The following CAST variants were observed in gnomAD, a reference collection of about 807,000 sequenced individuals.
CAST encodes MIR583 host.
CAST carries 76 observed loss-of-function variants against 119.6 expected under a neutral mutation model. That is an observed-to-expected ratio of 0.64 (90% CI 0.53 to 0.77). The LOEUF is 0.77. Ranked by LOEUF, CAST falls within the 30% of genes least tolerant of loss-of-function variation. The pLI, the probability that CAST is intolerant of heterozygous loss-of-function variation, is 0.00. For missense variants in CAST, 953 were observed against 946.5 expected (o/e 1.01, Z -0.09); for synonymous variants, 319 against 331.6 (o/e 0.96, Z 0.41).
At chr5:96,326,049 C>A in the CAST span, among the ~76,000 whole-genome samples, 1 of 152,210 alleles carries the variant, frequency 6.6e-6, no homozygotes, top group African/African-American at 2.4e-5. Flanking sequence ...CTCGTTCAGT[C>A]ATCCAACCAA....
At chr5:96,440,681 A>G in the CAST span, among the ~76,000 whole-genome samples, 1 of 152,174 alleles carries the variant, frequency 6.6e-6, no homozygotes, top group Non-Finnish European at 1.5e-5. Flanking sequence ...GTAGGGCCAT[A>G]CATACACATG....
At chr5:96,225,982 G>C in the CAST span, among the ~76,000 whole-genome samples, 1 of 152,152 alleles carries the variant, frequency 6.6e-6, no homozygotes, top group African/African-American at 2.4e-5. Flanking sequence ...GGGTCCCTCT[G>C]AGAAGGTCAA....
the CAST span, among the ~76,000 whole-genome samples, chr5:96,180,803 C>T: frequency 6.6e-6 from 1 of 152,088 alleles, no homozygotes; most frequent in South Asian, 2.1e-4. Flanking sequence ...TTCATGTAAA[C>T]AGTGGATGCA....
the CAST span, among the ~76,000 whole-genome samples, chr5:96,242,759 GCATCTGTGCTATGATT>G: frequency 6.6e-6 from 1 of 152,158 alleles, no homozygotes; most frequent in African/African-American, 2.4e-5. Flanking sequence ...GAGGTGTTAG[GCATCTGTGCTATGATT>G]CACATTTCCA....
chr5:95,979,841 G>T, the CAST span, among the ~76,000 whole-genome samples: 3 of 152,168 alleles, frequency 2.0e-5, no homozygotes, highest in Non-Finnish European at 2.9e-5. Flanking sequence ...AGTGTGGCAA[G>T]GCATGGTGGC....
chr5:96,556,113 C>T (rs1208602818), intron 1 of CAST, among the ~76,000 whole-genome samples: 1 of 152,172 alleles, frequency 6.6e-6, no homozygotes, highest in Non-Finnish European at 1.5e-5. Flanking sequence ...CTGGAGTGGA[C>T]CTCCAGAAAA....
At chr5:96,471,415 A>G in the CAST span, among the ~76,000 whole-genome samples, 5 of 152,202 alleles carry the variant, frequency 3.3e-5, no homozygotes, top group African/African-American at 1.2e-4. Context: ...ACTAGCTAAA[A>G]TATTCATGCA....
the CAST span, among the ~76,000 whole-genome samples, chr5:96,220,729 C>A: frequency 6.6e-6 from 1 of 152,282 alleles, no homozygotes; most frequent in South Asian, 2.1e-4. Flanking sequence ...TTGTTTGATT[C>A]ATTTTGTTTC....
chr5:96,040,829 T>A, the CAST span, among the ~76,000 whole-genome samples: 5 of 152,154 alleles, frequency 3.3e-5, no homozygotes, highest in Non-Finnish European at 7.4e-5. Context: ...GGCCTAAAAT[T>A]CTCTTTTTTT....
the CAST span, among the ~76,000 whole-genome samples, chr5:96,154,754 G>T: frequency 6.6e-6 from 1 of 152,158 alleles, no homozygotes; most frequent in African/African-American, 2.4e-5. Context: ...GATTTGTCTG[G>T]TGTTTTTCTT....
chr5:96,712,875 T>C (rs1756451043), intron 3 of CAST, among the ~76,000 whole-genome samples: 1 of 152,204 alleles, frequency 6.6e-6, no homozygotes, highest in Non-Finnish European at 1.5e-5. Context: ...GTGGGCTGGC[T>C]GCCAGGCCCA....
At chr5:96,643,876 AAATAAT>A (rs1019145896) in intron 1 of CAST, among the ~76,000 whole-genome samples, 1 of 151,970 alleles carries the variant, frequency 6.6e-6, no homozygotes, top group African/African-American at 2.4e-5. Context: ...CATCTCAAAA[AAATAAT>A]AATAATAACA....
chr5:96,388,752 G>T, the CAST span, among the ~76,000 whole-genome samples: 1 of 152,078 alleles, frequency 6.6e-6, no homozygotes, highest in Non-Finnish European at 1.5e-5. Context: ...GCATGTATTT[G>T]TGTTTGTACT....
At chr5:96,077,342 A>G in the CAST span, among the ~76,000 whole-genome samples, 1 of 152,168 alleles carries the variant, frequency 6.6e-6, no homozygotes, top group Non-Finnish European at 1.5e-5. Flanking sequence ...ATATAGCATG[A>G]CTGTATAACT....
At chr5:96,300,834 A>ATT in the CAST span, among the ~76,000 whole-genome samples, 60 of 52,240 alleles carry the variant, frequency 1.1e-3, no homozygotes, top group African/African-American at 1.9e-3. Flanking sequence ...ATTCCTAAGC[A>ATT]TTTTTTTTTT....
chr5:96,663,062 C>A (rs1201173997), intron 1 of CAST: 3 of 700,868 alleles, frequency 4.3e-6, no homozygotes, highest in Non-Finnish European at 7.8e-6. Context: ...AGTGTGAGCC[C>A]GGCGCCTCCA....
the CAST span, among the ~76,000 whole-genome samples, chr5:96,395,455 T>C: frequency 6.6e-6 from 1 of 152,174 alleles, no homozygotes; most frequent in African/African-American, 2.4e-5. Flanking sequence ...TGGAATACTA[T>C]GCAGCCATAA....
At chr5:96,257,479 T>C in the CAST span, among the ~76,000 whole-genome samples, 1 of 152,218 alleles carries the variant, frequency 6.6e-6, no homozygotes, top group Non-Finnish European at 1.5e-5. Context: ...AGTGGGGATA[T>C]CTTGGGATGG....
chr5:96,588,848 T>C (rs7718594), intron 1 of CAST, among the ~76,000 whole-genome samples: 62,202 of 152,114 alleles, frequency 0.41, 13,579 homozygotes, highest in East Asian at 0.61. Context: ...ATTTACTTCA[T>C]ATAGAAAAAG....
Sources: allele counts gnomAD v4.1 joint callset (sites outside exome capture counted in the v4.1 genomes callset), GRCh38; gene constraint gnomAD v4.1.1; transcripts MANE v1.5; gene names NCBI Gene and HGNC (gene_info 2026-07-23, HGNC 2026-07-21).